The following TMEM273 variants were observed in gnomAD, a reference collection of about 807,000 sequenced individuals.
TMEM273 encodes the protein chromosome 10 open reading frame 128.
Under a neutral mutation model 17.9 loss-of-function variants are expected in TMEM273, and 19 were observed. The ratio of observed to expected loss-of-function variants is 1.06; its 90% CI spans 0.74 to 1.55. TMEM273 has a LOEUF of 1.55. TMEM273 is among the 40% of genes most tolerant of loss of function. TMEM273 has a pLI of 0.00. For synonymous variants in TMEM273, 66 were observed against 62.0 expected, an observed-to-expected ratio of 1.07 and a Z score of -0.31; for missense variants, 194 against 155.6, an observed-to-expected ratio of 1.25 and a Z score of -1.31.
intron 1 of TMEM273, among the ~76,000 whole-genome samples, chr10:49,183,970 CAA>C (rs1847511713): frequency 2.0e-5 from 3 of 150,994 alleles, no homozygotes; most frequent in Non-Finnish European, 2.9e-5. Flanking sequence ...TGGCATGATT[CAA>C]AGAGAGACAG....
At chr10:49,181,317 C>T (rs1163786840) in intron 1 of TMEM273, among the ~76,000 whole-genome samples, 1 of 152,146 alleles carries the variant, frequency 6.6e-6, no homozygotes, top group Non-Finnish European at 1.5e-5. Flanking sequence ...ATGCAATTCC[C>T]ATCAAAAGCC....
In TMEM273 at chr10:49,165,754, C is replaced by A; in HGVS notation, c.269+12G>T. On this transcript the variant is annotated intron_variant, in intron 4 of 6. Transcript: ENST00000374153. ...CGATACCTCTCCCTGACTGTGTGGG[C>A]AGTGACCTTACCTTGGGGCTCTCTT... 1 of 1,614,140 alleles carries A rather than the reference C, an allele frequency of 6.2e-7. No individual in the cohort carries two copies. Among genetic ancestry groups the A allele is most frequent in the African/African-American group, 1.3e-5 (1 of 75,038 alleles).
intron 1 of TMEM273, among the ~76,000 whole-genome samples, chr10:49,173,937 A>G (rs1226994322): frequency 6.6e-6 from 1 of 152,140 alleles, no homozygotes; most frequent in African/African-American, 2.4e-5. Context: ...GCCCACTGTG[A>G]GCCTTGGAGG....
chr10:49,169,001 C>T (rs1009679871), intron 1 of TMEM273, among the ~76,000 whole-genome samples: 1 of 152,086 alleles, frequency 6.6e-6, no homozygotes, highest in African/African-American at 2.4e-5. Flanking sequence ...AAATGAGGAA[C>T]GGGAGGCATT....
At chr10:49,170,357 C>G (rs1846478686) in intron 1 of TMEM273, among the ~76,000 whole-genome samples, 1 of 152,144 alleles carries the variant, frequency 6.6e-6, no homozygotes, top group Non-Finnish European at 1.5e-5. Context: ...GACTTCACCC[C>G]CCAAATGTGT....
intron 1 of TMEM273, among the ~76,000 whole-genome samples, chr10:49,187,549 T>A (rs1228627693): frequency 6.6e-6 from 1 of 152,170 alleles, no homozygotes; most frequent in Admixed American, 6.5e-5. Context: ...CAGAGGGGAC[T>A]TCGTAAAGGC....
chr10:49,173,914 G>A (rs1411231111), intron 1 of TMEM273, among the ~76,000 whole-genome samples: 1 of 152,160 alleles, frequency 6.6e-6, no homozygotes, highest in Non-Finnish European at 1.5e-5. Context: ...CACTGTAGTG[G>A]CTCCATCTTC....
chr10:49,157,129 A>G (rs558042880), intron 6 of TMEM273, among the ~76,000 whole-genome samples: 2 of 152,236 alleles, frequency 1.3e-5, no homozygotes, highest in Non-Finnish European at 2.9e-5. Flanking sequence ...TGCACTTGAG[A>G]TATCAATGCC....
Position 49,188,343 on chromosome 10 carries a change from G to T in TMEM273, c.-7C>A, listed in dbSNP as rs17009534. 1.2e-6 allele frequency: 2 copies of T among 1,614,006 alleles called. No homozygotes were observed. The highest frequency in any genetic ancestry group is 1.7e-6 in the Non-Finnish European group (2 of 1,180,018). On this transcript the variant is annotated 5_prime_UTR_variant, in exon 1 of 7. Transcript: ENST00000374153. ...TGCTGACCCCCAAGTTCATGCTGGC[G>T]CTCTGCTCTTGGCTCCTGGCTCCTG...
At chr10:49,158,372 A>G (rs1845639742) in intron 6 of TMEM273, among the ~76,000 whole-genome samples, 1 of 152,120 alleles carries the variant, frequency 6.6e-6, no homozygotes, top group Admixed American at 6.5e-5. Flanking sequence ...ATAACCAAAA[A>G]CACAAAGCAA....
In TMEM273 at chr10:49,166,997, G is replaced by C. The variant is rs201028683; in HGVS notation, c.110C>G (p.Ala37Gly). The C allele has an allele frequency of 6.2e-7, 1 of 1,614,032 alleles. No homozygotes were observed. The highest frequency in any genetic ancestry group is 1.1e-5 in the South Asian group (1 of 91,086). The change falls in exon 3 of 7, where the codon GCC becomes GGC. Residue 37 changes from alanine to glycine, a missense_variant. Physicochemically the swap from Ala to Gly is moderately conservative, Grantham distance 60 (BLOSUM62 0). Coordinates refer to ENST00000374153, the MANE Select transcript of TMEM273 (RefSeq NM_001288740.3). ...TPGAEIDFKY[A>G]LIGTAVGVAI... is the part of the protein sequence containing the mutation. ...GACACCCACAGCAGTCCCGATGAGG[G>C]CGTACTTGAAATCTGAAACGCAGGG... is the stretch of plus-strand genomic sequence containing the variant.
chr10:49,173,419 T>C (rs1033631312), intron 1 of TMEM273, among the ~76,000 whole-genome samples: 20 of 152,296 alleles, frequency 1.3e-4, no homozygotes, highest in African/African-American at 4.3e-4. Flanking sequence ...GACTGGGATG[T>C]GCAAGCCATG....
chr10:49,173,534 C>T (rs1379221938), intron 1 of TMEM273, among the ~76,000 whole-genome samples: 1 of 152,200 alleles, frequency 6.6e-6, no homozygotes, highest in East Asian at 1.9e-4. Flanking sequence ...AAAGCCACTC[C>T]TCTGAAAGTC....
chr10:49,165,882 TG>T, intron 3 of TMEM273, 86 bp from the exon 4 acceptor site: 1 of 1,565,296 alleles, frequency 6.4e-7, no homozygotes, highest in Non-Finnish European at 8.8e-7. Context: ...TCCCTCTCCT[TG>T]GTCCTCTCAC....
chr10:49,167,202 T>C (rs1420025559), intron 2 of TMEM273, among the ~76,000 whole-genome samples, 193 bp from the exon 3 acceptor site: 1 of 152,206 alleles, frequency 6.6e-6, no homozygotes, highest in Non-Finnish European at 1.5e-5. Flanking sequence ...CTCCTTCAGC[T>C]GTAGAAACTG....
intron 5 of TMEM273, 128 bp downstream of exon 5, chr10:49,165,077 G>GA (rs930922559): frequency 8.1e-6 from 11 of 1,351,794 alleles, no homozygotes; most frequent in Admixed American, 3.0e-5. Flanking sequence ...TTACATTTTA[G>GA]AAAAAAACCC....
At chr10:49,162,134 CA>C (rs1845881779) in intron 5 of TMEM273, among the ~76,000 whole-genome samples, 1 of 152,154 alleles carries the variant, frequency 6.6e-6, no homozygotes, top group Non-Finnish European at 1.5e-5. Context: ...ACACATATAA[CA>C]GAGACGCTCC....
intron 4 of TMEM273, 182 bp from the exon 5 acceptor site, chr10:49,165,465 G>A: frequency 6.8e-7 from 1 of 1,468,290 alleles, no homozygotes; most frequent in Non-Finnish European, 9.0e-7. Flanking sequence ...GCCTCATTCT[G>A]AAAGTCAGGG....
chr10:49,180,954 A>G (rs1042990817), intron 1 of TMEM273, among the ~76,000 whole-genome samples: 6 of 152,236 alleles, frequency 3.9e-5, no homozygotes, highest in Non-Finnish European at 5.9e-5. Context: ...CATACTATTC[A>G]GGAAGGAAAA....
Sources: gnomAD v4.1 joint callset for allele counts (sites outside exome capture counted in the v4.1 genomes callset) on GRCh38, gnomAD v4.1.1 for gene constraint, MANE v1.5 for transcripts, NCBI Gene and HGNC (gene_info 2026-07-23, HGNC 2026-07-21) for gene names.